STPG2: variants seen among roughly 807,000 people sequenced by gnomAD.
The protein encoded by STPG2 is sperm tail PG-rich repeat containing 2.
A neutral mutation model predicts 54.2 loss-of-function variants in STPG2; 56 were observed. The ratio of observed to expected loss-of-function variants is 1.03; its 90% CI spans 0.83 to 1.29. The LOEUF (loss-of-function observed/expected upper bound fraction) is 1.29, where lower values mean the gene tolerates loss of function less well. Among genes scored for constraint, STPG2 ranks in the 50% most tolerant of loss-of-function variants. The probability of loss-of-function intolerance (pLI) is 0.00; values close to 1 mark genes in which losing one functional copy is unlikely to be tolerated. For synonymous variants in STPG2, 200 were observed against 181.8 expected (o/e 1.10, Z -0.81); for missense variants, 596 against 544.9 (o/e 1.09, Z -0.93).
At chr4:97,589,476 A>T (rs1238775970) in intron 10 of STPG2, among the ~76,000 whole-genome samples, 1 of 152,162 alleles carries the variant, frequency 6.6e-6, no homozygotes, top group Non-Finnish European at 1.5e-5. Flanking sequence ...ATTGATTCAT[A>T]TATTAATTTA....
chr4:97,791,900 A>T (rs757737181), intron 9 of STPG2, among the ~76,000 whole-genome samples: 4 of 152,120 alleles, frequency 2.6e-5, no homozygotes, highest in African/African-American at 7.2e-5. Flanking sequence ...TTCCCAAATG[A>T]TTATAGCAAA....
chr4:97,941,289 G>C (rs1206059613), intron 8 of STPG2, among the ~76,000 whole-genome samples: 1 of 151,940 alleles, frequency 6.6e-6, no homozygotes, highest in Admixed American at 6.6e-5. Context: ...AAAGTGAAAA[G>C]GACATAGGTA....
chr4:97,911,326 C>T (rs185806350), intron 8 of STPG2, among the ~76,000 whole-genome samples: 1 of 152,358 alleles, frequency 6.6e-6, no homozygotes, highest in Admixed American at 6.5e-5. Flanking sequence ...GCCAGGGAGC[C>T]AAGCAGGCTC....
chr4:97,777,703 T>C (rs536669090), intron 9 of STPG2, among the ~76,000 whole-genome samples: 72 of 152,348 alleles, frequency 4.7e-4, no homozygotes, highest in African/African-American at 1.6e-3. Flanking sequence ...CATAAAAAGA[T>C]AAATTCAGTT....
chr4:97,857,788 C>G (rs1037838120), intron 8 of STPG2, among the ~76,000 whole-genome samples: 2 of 151,948 alleles, frequency 1.3e-5, no homozygotes, highest in East Asian at 3.9e-4. Context: ...CAAAGAAATT[C>G]AAGAGAACAC....
intron 5 of STPG2, among the ~76,000 whole-genome samples, chr4:98,033,121 AC>A: frequency 1.3e-5 from 2 of 150,870 alleles, no homozygotes; most frequent in South Asian, 2.2e-4. Flanking sequence ...AGAAACACAC[AC>A]ACACACAAAA....
intron 4 of STPG2, among the ~76,000 whole-genome samples, chr4:97,483,011 G>A (rs192220745): frequency 6.6e-6 from 1 of 151,754 alleles, no homozygotes; most frequent in Admixed American, 6.6e-5. Flanking sequence ...CAAATGCTGA[G>A]AAATTTGCCA....
chr4:97,594,160 A>C (rs1733221041), intron 10 of STPG2, among the ~76,000 whole-genome samples: 1 of 152,224 alleles, frequency 6.6e-6, no homozygotes, highest in African/African-American at 2.4e-5. Context: ...AAATGGCTGA[A>C]ATGACAGAAA....
At chr4:97,625,434 C>T (rs1048802926) in intron 10 of STPG2, among the ~76,000 whole-genome samples, 3 of 152,084 alleles carry the variant, frequency 2.0e-5, no homozygotes, top group South Asian at 2.1e-4. Flanking sequence ...CTCAGCCTCC[C>T]GAGTAGCTGG....
chr4:98,012,324 C>T (rs182653308), intron 5 of STPG2, among the ~76,000 whole-genome samples: 4 of 152,246 alleles, frequency 2.6e-5, no homozygotes, highest in South Asian at 2.1e-4. Context: ...TGTTTTGGTA[C>T]CAGTACCATG....
intron 9 of STPG2, among the ~76,000 whole-genome samples, chr4:97,777,624 T>C (rs539602642): frequency 1.4e-4 from 21 of 152,356 alleles, no homozygotes; most frequent in African/African-American, 4.6e-4. Context: ...TTATTTCATA[T>C]AAAAGCTACT....
At position 97,634,007 on chromosome 4, in the gene STPG2, G is replaced by T. The variant is rs971170821; in HGVS notation, c.1321-74890C>A. Among the ~76,000 whole-genome samples, 7 of 152,326 alleles carry T rather than the reference G, an allele frequency of 4.6e-5. No individual in the cohort carries two copies. In the South Asian group the frequency reaches 1.0e-3, roughly 23 times the overall value. ...AGCCCACCACAGCTCAAGGAGGCCT[G>T]CGTGCCTCTCTAGGCTCCACCTCTG... On this transcript the variant is annotated intron_variant, in intron 10 of 10. Transcript: ENST00000295268.
intron 8 of STPG2, among the ~76,000 whole-genome samples, chr4:97,901,186 T>A (rs1021466192): frequency 1.5e-4 from 23 of 151,804 alleles, no homozygotes; most frequent in African/African-American, 5.6e-4. Flanking sequence ...AGAATGTACC[T>A]CAAAATGAAA....
intron 9 of STPG2, among the ~76,000 whole-genome samples, chr4:97,838,706 A>G (rs1004943696): frequency 3.3e-5 from 5 of 151,500 alleles, no homozygotes; most frequent in African/African-American, 4.8e-5. Context: ...CACCTACTAA[A>G]TCTATTTTAG....
chr4:97,916,034 A>C (rs1731862324), intron 8 of STPG2, among the ~76,000 whole-genome samples: 1 of 152,068 alleles, frequency 6.6e-6, no homozygotes, highest in Non-Finnish European at 1.5e-5. Context: ...GAATGACAGA[A>C]CTCGGCAATC....
chr4:98,130,828 A>G (rs1739967267), intron 2 of STPG2, among the ~76,000 whole-genome samples: 1 of 146,902 alleles, frequency 6.8e-6, no homozygotes. Flanking sequence ...AAGCTGTGGC[A>G]GGAGAATGGC....
Position 97,565,255 on chromosome 4 carries a change from C to T in STPG2, c.1321-6138G>A, listed in dbSNP as rs554133702. On this transcript the variant is annotated intron_variant, in intron 10 of 10. Coordinates refer to ENST00000295268, the MANE Select transcript of STPG2 (RefSeq NM_174952.3). ...TCCTGAGGCTTCTGCATTCTTCACG[C>T]AGTTCTCGAGCCTTGGCTTTCAGCT... is the stretch of plus-strand genomic sequence containing the variant. 1.2e-3 allele frequency among the ~76,000 whole-genome samples: 179 copies of T among 152,304 alleles called. 2 individuals are homozygous for T. The highest frequency in any genetic ancestry group is 3.9e-3 in the African/African-American group (161 of 41,570).
intron 10 of STPG2, among the ~76,000 whole-genome samples, chr4:97,593,512 C>A (rs941095575): frequency 9.2e-5 from 14 of 152,280 alleles, no homozygotes; most frequent in Admixed American, 9.2e-4. Flanking sequence ...CCCCACCTCC[C>A]CATGCCAACA....
intron 9 of STPG2, among the ~76,000 whole-genome samples, chr4:97,795,621 C>T (rs575980295): frequency 3.2e-4 from 48 of 152,216 alleles, no homozygotes; most frequent in Admixed American, 1.4e-3. Context: ...TGGATGGGTT[C>T]CAAGTCTTTG....
Sources: gnomAD v4.1 joint callset for allele counts (sites outside exome capture counted in the v4.1 genomes callset) on GRCh38, gnomAD v4.1.1 for gene constraint, MANE v1.5 for transcripts, NCBI Gene and HGNC (gene_info 2026-07-23, HGNC 2026-07-21) for gene names.